CADM2: variants seen among roughly 807,000 people sequenced by gnomAD.
CADM2 encodes the protein immunoglobulin superfamily member 4D.
A neutral mutation model predicts 49.8 loss-of-function variants in CADM2; 12 were observed. That is an observed-to-expected ratio of 0.24 (90% CI 0.15 to 0.39). The LOEUF is 0.39. Among genes scored for constraint, CADM2 ranks in the 10% least tolerant of loss-of-function variants. The pLI, the probability that CADM2 is intolerant of heterozygous loss-of-function variation, is 1.00. For missense variants in CADM2, 378 were observed against 492.3 expected (o/e 0.77, Z 2.20); for synonymous variants, 214 against 175.4 (o/e 1.22, Z -1.74).
At chr3:85,186,192 ATTTTC>A in intron 1 of CADM2, among the ~76,000 whole-genome samples, 1 of 152,172 alleles carries the variant, frequency 6.6e-6, no homozygotes, top group African/African-American at 2.4e-5. Flanking sequence ...TATGAACGTT[ATTTTC>A]TTTTCTTGCC....
chr3:86,041,479 C>G (rs1333614086), intron 8 of CADM2, among the ~76,000 whole-genome samples: 1 of 152,002 alleles, frequency 6.6e-6, no homozygotes, highest in African/African-American at 2.4e-5. Context: ...TCAAAAGAGA[C>G]AAAGAAGGCC....
At chr3:85,643,079 T>G (rs1252791721) in intron 1 of CADM2, among the ~76,000 whole-genome samples, 2 of 152,164 alleles carry the variant, frequency 1.3e-5, no homozygotes, top group Non-Finnish European at 2.9e-5. Flanking sequence ...GGAAACACAA[T>G]TATAATATTG....
chr3:85,970,133 C>T (rs996093091), intron 8 of CADM2, among the ~76,000 whole-genome samples: 2 of 150,172 alleles, frequency 1.3e-5, no homozygotes, highest in Non-Finnish European at 3.0e-5. Context: ...CTTAGCAACC[C>T]AGGTGAAATG....
intron 1 of CADM2, among the ~76,000 whole-genome samples, chr3:85,514,800 T>G (rs964956845): frequency 6.6e-6 from 1 of 152,152 alleles, no homozygotes; most frequent in African/African-American, 2.4e-5. Context: ...TAACTTTTCT[T>G]TCTTCAGCAT....
At chr3:85,984,199 A>G (rs867298002) in intron 8 of CADM2, among the ~76,000 whole-genome samples, 1 of 150,602 alleles carries the variant, frequency 6.6e-6, no homozygotes, top group Non-Finnish European at 1.5e-5. Flanking sequence ...TTATGTATGC[A>G]CATATATTAT....
chr3:85,536,569 A>G (rs2106999524), intron 1 of CADM2, among the ~76,000 whole-genome samples: 1 of 152,060 alleles, frequency 6.6e-6, no homozygotes, highest in African/African-American at 2.4e-5. Flanking sequence ...TTCATAAGAT[A>G]TTTACTCTGA....
At chr3:85,476,143 CAA>C (rs772337141) in intron 1 of CADM2, among the ~76,000 whole-genome samples, 98 of 151,980 alleles carry the variant, frequency 6.4e-4, no homozygotes, top group Non-Finnish European at 1.1e-3. Context: ...GGATTTGCCT[CAA>C]GAGACCTGAC....
At chr3:85,212,758 C>T (rs556816458) in intron 1 of CADM2, among the ~76,000 whole-genome samples, 9 of 151,894 alleles carry the variant, frequency 5.9e-5, no homozygotes, top group South Asian at 2.1e-4. Flanking sequence ...TAATATTCTG[C>T]ATCTTACTAT....
chr3:85,580,774 C>T (rs1344150039), intron 1 of CADM2, among the ~76,000 whole-genome samples: 1 of 151,958 alleles, frequency 6.6e-6, no homozygotes, highest in African/African-American at 2.4e-5. Flanking sequence ...TTACAAAAAC[C>T]TTGCAAAATA....
intron 1 of CADM2, among the ~76,000 whole-genome samples, chr3:85,163,464 G>T (rs1336898346): frequency 1.3e-5 from 2 of 151,838 alleles, no homozygotes; most frequent in African/African-American, 2.4e-5. Flanking sequence ...CGAAAAATTG[G>T]TATATCAGAA....
At chr3:85,381,660 A>C in intron 1 of CADM2, among the ~76,000 whole-genome samples, 1 of 151,764 alleles carries the variant, frequency 6.6e-6, no homozygotes, top group African/African-American at 2.4e-5. Context: ...TGATTATAAT[A>C]ATAAAGTATA....
intron 1 of CADM2, among the ~76,000 whole-genome samples, chr3:85,359,351 A>C (rs1175866051): frequency 6.6e-6 from 1 of 151,896 alleles, no homozygotes; most frequent in Non-Finnish European, 1.5e-5. Flanking sequence ...GAAGATTATC[A>C]AGAAATACTC....
rs2065737962 is a variant in CADM2, at chr3:85,671,586, T to A, written c.62-54936T>A. Reference sequence around the variant, plus strand: ...CAATTCATCGCAGTACCTTTAACCCTACATTGTTTTTCCCTTCTCCTTCCC... The same window carrying A: ...CAATTCATCGCAGTACCTTTAACCCAACATTGTTTTTCCCTTCTCCTTCCC... On this transcript the variant is annotated intron_variant, in intron 1 of 9. Transcript: ENST00000383699. Among the ~76,000 whole-genome samples the A allele has an allele frequency of 2.6e-5, 4 of 152,272 alleles. No homozygotes were observed. The South Asian group carries it at 8.3e-4, about 32-fold the overall frequency.
chr3:85,915,552 A>G (rs1235928241), intron 6 of CADM2, among the ~76,000 whole-genome samples: 4 of 152,110 alleles, frequency 2.6e-5, no homozygotes, highest in Non-Finnish European at 5.9e-5. Context: ...TGATTTTCAT[A>G]AACATCTTAG....
Position 85,369,010 on chromosome 3 carries a change from A to G in CADM2, c.62-357512A>G, listed in dbSNP as rs2033003360. Among the ~76,000 whole-genome samples, 3 of 152,124 alleles carry G rather than the reference A, an allele frequency of 2.0e-5. No individual in the cohort carries two copies. The South Asian group carries it at 6.2e-4, about 31-fold the overall frequency. ...GAGAAAATTAAAAAATCTAATGTAT[A>G]GAAATAGCATTTCCAGAAGTGATTT... On this transcript the variant is annotated intron_variant, in intron 1 of 9. Coordinates refer to ENST00000383699, the MANE Select transcript of CADM2 (RefSeq NM_001167675.2).
intron 1 of CADM2, among the ~76,000 whole-genome samples, chr3:85,384,703 TTG>T (rs200646433): frequency 0.011 from 1,743 of 151,758 alleles, 38 homozygotes; most frequent in African/African-American, 0.04. Context: ...GAGTGTATAC[TTG>T]TGTGTGTATA....
At chr3:85,296,649 A>G (rs1473654442) in intron 1 of CADM2, among the ~76,000 whole-genome samples, 1 of 152,244 alleles carries the variant, frequency 6.6e-6, no homozygotes, top group East Asian at 1.9e-4. Flanking sequence ...TCATTCCTAC[A>G]GAATAAAATT....
intron 2 of CADM2, among the ~76,000 whole-genome samples, chr3:85,793,291 G>GT (rs1186548860): frequency 6.6e-6 from 1 of 152,104 alleles, no homozygotes; most frequent in Non-Finnish European, 1.5e-5. Flanking sequence ...AACTTAGATG[G>GT]TTTTCAACCA....
At chr3:85,543,163 G>C (rs908446877) in intron 1 of CADM2, among the ~76,000 whole-genome samples, 1 of 152,006 alleles carries the variant, frequency 6.6e-6, no homozygotes, top group African/African-American at 2.4e-5. Context: ...AAATAAGGCA[G>C]ATTCCCAAAT....
Sources: allele counts gnomAD v4.1 joint callset (sites outside exome capture counted in the v4.1 genomes callset), GRCh38; gene constraint gnomAD v4.1.1; transcripts MANE v1.5; gene names NCBI Gene and HGNC (gene_info 2026-07-23, HGNC 2026-07-21).